Variants in GALNT18 observed in about 807,000 individuals in gnomAD.
The protein encoded by GALNT18 is polypeptide N-acetylgalactosaminyltransferase 18.
In GALNT18, 44 loss-of-function variants were observed where a neutral mutation model predicts 69.5. The observed-to-expected ratio is 0.63, with a 90% CI of 0.50 to 0.81. The LOEUF (loss-of-function observed/expected upper bound fraction) is 0.81. Ranked by LOEUF, GALNT18 falls within the 40% of genes least tolerant of loss-of-function variation. GALNT18 has a pLI of 0.00. For synonymous variants in GALNT18, 364 were observed against 318.2 expected (o/e 1.14, Z -1.53); for missense variants, 715 against 810.0 (o/e 0.88, Z 1.42).
intron 1 of GALNT18, among the ~76,000 whole-genome samples, chr11:11,503,899 C>T (rs535610785): frequency 1.5e-4 from 23 of 152,306 alleles, no homozygotes; most frequent in African/African-American, 5.5e-4. Flanking sequence ...AGTGCAGAAA[C>T]CCCTTGTTCT....
Position 11,270,970 on chromosome 11 carries a change from C to T in GALNT18, c.*174G>A, listed in dbSNP as rs1278092021. The T allele has an allele frequency of 1.1e-5, 6 of 537,356 alleles. No individual in the cohort carries two copies. Among genetic ancestry groups the T allele is most frequent in the Non-Finnish European group, 1.6e-5 (5 of 306,742 alleles). The allele number at this position is 537,356 out of a possible 1,614,324, so 33.3% of individuals were successfully genotyped here. A position where few individuals can be genotyped will look rare whatever the true frequency, so the allele number is the denominator to read the frequency against. ...TAGTTTGATATCATACCATCACCTA[C>T]CAATCAGCATCTTTCTATAAACTCC... On this transcript the variant is annotated 3_prime_UTR_variant, in exon 11 of 11. Transcript: ENST00000227756.
chr11:11,434,561 C>A (rs1471214992), intron 2 of GALNT18, among the ~76,000 whole-genome samples: 2 of 152,158 alleles, frequency 1.3e-5, no homozygotes, highest in Non-Finnish European at 2.9e-5. Flanking sequence ...GATGTCCTGG[C>A]AGCTGTTGTA....
Position 11,605,889 on chromosome 11 carries a change from G to T in GALNT18, c.235+15470C>A, listed in dbSNP as rs951499437. On this transcript the variant is annotated intron_variant, in intron 1 of 10. Transcript: ENST00000227756. The surrounding 1 kb of genome is among the most constrained non-coding windows in gnomAD (Gnocchi z 4.7). ...TCCCTGGGAGAGCTCAGTGTGGAAAGCACACTGCACACACGCTCATGCGCA... is the reference window on the plus strand; with the variant it reads ...TCCCTGGGAGAGCTCAGTGTGGAAATCACACTGCACACACGCTCATGCGCA... Among the ~76,000 whole-genome samples, 10 of 152,164 alleles carry T rather than the reference G, an allele frequency of 6.6e-5. No homozygotes were observed. Among genetic ancestry groups the T allele is most frequent in the Admixed American group, 5.9e-4 (9 of 15,276 alleles).
intron 2 of GALNT18, among the ~76,000 whole-genome samples, chr11:11,440,498 G>A (rs1855511222): frequency 6.6e-6 from 1 of 152,226 alleles, no homozygotes; most frequent in Non-Finnish European, 1.5e-5. Flanking sequence ...GGCAAGGGAA[G>A]GCGGATTCTA....
At chr11:11,572,055 C>A (rs189992236) in intron 1 of GALNT18, among the ~76,000 whole-genome samples, 1 of 152,344 alleles carries the variant, frequency 6.6e-6, no homozygotes, top group East Asian at 1.9e-4. Flanking sequence ...TTCAGCAGAT[C>A]TGAGGTGTGG....
At chr11:11,456,262 G>T (rs1011334108) in intron 1 of GALNT18, among the ~76,000 whole-genome samples, 2 of 152,152 alleles carry the variant, frequency 1.3e-5, no homozygotes, top group African/African-American at 4.8e-5. Flanking sequence ...ATAGATAAGA[G>T]AAAACTGCAG....
chr11:11,572,216 T>A lies in GALNT18; in HGVS notation c.235+49143A>T, dbSNP rs528377725. Among the ~76,000 whole-genome samples the A allele has an allele frequency of 3.9e-5, 6 of 152,340 alleles. No individual in the cohort carries two copies. The East Asian group carries it at 1.2e-3, about 29-fold the overall frequency. On this transcript the variant is annotated intron_variant, in intron 1 of 10. Transcript: ENST00000227756. ...GGCCTAGCCACTCCTTTCTGTGGGA[T>A]CCTTGACCACGTAACCACTCGGCCT...
At chr11:11,280,523 C>T (rs1318571389) in intron 10 of GALNT18, among the ~76,000 whole-genome samples, 1 of 152,128 alleles carries the variant, frequency 6.6e-6, no homozygotes, top group Non-Finnish European at 1.5e-5. Context: ...CTGAGGCTTC[C>T]CCAGCGGCCT....
Position 11,444,440 on chromosome 11 carries a change from G to A in GALNT18, c.428+4304C>T, listed in dbSNP as rs1855600784. ...GGTTCCCATCTCAGTGTAAACTCCA[G>A]GAGATATCCGTCCGACGCTTTGTTG... On this transcript the variant is annotated intron_variant, in intron 2 of 10. Transcript: ENST00000227756. This position sits in a 1 kb window ranked among gnomAD's most constrained non-coding sequence, Gnocchi z 4.4. Among the ~76,000 whole-genome samples, 3 of 152,340 alleles carry A rather than the reference G, an allele frequency of 2.0e-5. No individual in the cohort carries two copies. Among genetic ancestry groups the A allele is most frequent in the East Asian group, 1.9e-4 (1 of 5,174 alleles).
chr11:11,512,128 T>G (rs1421423146), intron 1 of GALNT18, among the ~76,000 whole-genome samples: 2 of 152,198 alleles, frequency 1.3e-5, no homozygotes, highest in East Asian at 3.9e-4. Flanking sequence ...AATTCTTTAT[T>G]AAAGTCACCA....
chr11:11,304,250 C>T (rs1849541329), intron 9 of GALNT18, among the ~76,000 whole-genome samples: 1 of 152,146 alleles, frequency 6.6e-6, no homozygotes, highest in African/African-American at 2.4e-5. Flanking sequence ...AAAAAGGAAT[C>T]ACCCCAGGTT....
At chr11:11,498,089 G>A (rs1292557079) in intron 1 of GALNT18, among the ~76,000 whole-genome samples, 1 of 152,144 alleles carries the variant, frequency 6.6e-6, no homozygotes, top group Non-Finnish European at 1.5e-5. Flanking sequence ...GAAACCAATT[G>A]AGGGCAAAAT....
At chr11:11,298,723 C>T (rs1162486335) in intron 9 of GALNT18, among the ~76,000 whole-genome samples, 1 of 152,220 alleles carries the variant, frequency 6.6e-6, no homozygotes, top group Non-Finnish European at 1.5e-5. Flanking sequence ...CTCTCCCAGC[C>T]CCATCACAGC....
At chr11:11,531,754 C>T (rs893813311) in intron 1 of GALNT18, among the ~76,000 whole-genome samples, 2 of 152,208 alleles carry the variant, frequency 1.3e-5, no homozygotes, top group African/African-American at 4.8e-5. Flanking sequence ...AACAAGAGCT[C>T]CCTCCTGCTG....
At chr11:11,411,183 G>A (rs1428637601) in intron 3 of GALNT18, among the ~76,000 whole-genome samples, 1 of 152,148 alleles carries the variant, frequency 6.6e-6, no homozygotes, top group Non-Finnish European at 1.5e-5. Context: ...GTGTGGTGGT[G>A]CATGCCTGCA....
In GALNT18 at chr11:11,619,406, T is replaced by C. The variant is rs1440012879; in HGVS notation, c.235+1953A>G. Among the ~76,000 whole-genome samples, 4 of 152,190 alleles carry C rather than the reference T, an allele frequency of 2.6e-5. No homozygotes were observed. Among genetic ancestry groups the C allele is most frequent in the Non-Finnish European group, 5.9e-5 (4 of 68,036 alleles). ...GGGAGAAAAATCACAATGCTTCCTTTCAACTTCAACATCATGCTTTTCCAT... is the reference window on the plus strand; with the variant it reads ...GGGAGAAAAATCACAATGCTTCCTTCCAACTTCAACATCATGCTTTTCCAT... On this transcript the variant is annotated intron_variant, in intron 1 of 10. Transcript: ENST00000227756. This position sits in a 1 kb window ranked among gnomAD's most constrained non-coding sequence, Gnocchi z 4.9.
At chr11:11,281,140 C>G (rs1309987052) in intron 10 of GALNT18, among the ~76,000 whole-genome samples, 1 of 152,174 alleles carries the variant, frequency 6.6e-6, no homozygotes, top group Non-Finnish European at 1.5e-5. Flanking sequence ...GGCAGGGGAC[C>G]AAAACCAGCC....
At chr11:11,310,131 A>T (rs1849644569) in intron 9 of GALNT18, among the ~76,000 whole-genome samples, 1 of 152,166 alleles carries the variant, frequency 6.6e-6, no homozygotes, top group African/African-American at 2.4e-5. Flanking sequence ...GCTTCCTCAG[A>T]TAGAGGTTTT....
intron 1 of GALNT18, among the ~76,000 whole-genome samples, chr11:11,491,546 G>A (rs1331138173): frequency 1.3e-5 from 2 of 152,194 alleles, no homozygotes; most frequent in Non-Finnish European, 2.9e-5. Flanking sequence ...CCATTTCTCT[G>A]CATTTCCTAA....
Sources: allele counts gnomAD v4.1 joint callset (sites outside exome capture counted in the v4.1 genomes callset), GRCh38; gene constraint gnomAD v4.1.1; non-coding constraint Gnocchi (gnomAD v3.1); transcripts MANE v1.5; gene names NCBI Gene and HGNC (gene_info 2026-07-23, HGNC 2026-07-21).